Variants in MEMO1 observed in about 807,000 individuals in gnomAD.
MEMO1 encodes the protein mediator of cell motility 1.
MEMO1 carries 6 observed loss-of-function variants against 45.2 expected under a neutral mutation model. That is an observed-to-expected ratio of 0.13 (90% CI 0.07 to 0.26). MEMO1 has a LOEUF of 0.26. MEMO1 is among the 10% of genes least tolerant of loss of function. The pLI is 1.00. For synonymous variants in MEMO1, 78 were observed against 124.3 expected (o/e 0.63, Z 2.48); for missense variants, 184 against 370.5 (o/e 0.50, Z 4.13).
At chr2:31,917,889 A>G (rs1437764805) in intron 6 of MEMO1, 37 bp downstream of exon 6, 2 of 1,378,632 alleles carry the variant, frequency 1.5e-6, no homozygotes, top group South Asian at 1.3e-5. Context: ...ATTAATGTCT[A>G]TGATTTCCTG....
intron 6 of MEMO1, among the ~76,000 whole-genome samples, chr2:31,903,316 C>A (rs1427805292): frequency 1.4e-5 from 2 of 148,138 alleles, no homozygotes; most frequent in African/African-American, 2.5e-5. Context: ...TCAGAAGGGA[C>A]AGGATCCTTA....
At chr2:31,995,014 G>C (rs1213715517) in intron 2 of MEMO1, among the ~76,000 whole-genome samples, 1 of 148,548 alleles carries the variant, frequency 6.7e-6, no homozygotes, top group African/African-American at 2.5e-5. Flanking sequence ...GGGAGGGAGG[G>C]AGGAAGGCAG....
At chr2:31,904,769 G>A (rs1679419556) in intron 6 of MEMO1, among the ~76,000 whole-genome samples, 1 of 152,188 alleles carries the variant, frequency 6.6e-6, no homozygotes. Flanking sequence ...TTTCAAACAG[G>A]TGTTAAAGGC....
chr2:31,879,546 A>G (rs1324580436), intron 8 of MEMO1, among the ~76,000 whole-genome samples: 2 of 152,192 alleles, frequency 1.3e-5, no homozygotes, highest in African/African-American at 2.4e-5. Context: ...GTACTGTCCA[A>G]TAAAAATATA....
In MEMO1 at chr2:31,915,346, G is replaced by A. The variant is rs190192703; in HGVS notation, c.437+2580C>T. Among the ~76,000 whole-genome samples, 44 of 152,146 alleles carry A rather than the reference G, an allele frequency of 2.9e-4. No homozygotes were observed. In the East Asian group the frequency reaches 6.8e-3, roughly 23 times the overall value. On this transcript the variant is annotated intron_variant, in intron 6 of 9. Coordinates refer to ENST00000404530, the MANE Select transcript of MEMO1 (RefSeq NM_001301833.4). ...ACTGTAGTAGACTATCAGCAAAGAC[G>A]GCTGTCAACAGTTTCTCTTATTCCT...
chr2:31,891,726 C>T (rs1038424181), intron 7 of MEMO1, among the ~76,000 whole-genome samples: 1 of 152,146 alleles, frequency 6.6e-6, no homozygotes, highest in African/African-American at 2.4e-5. Flanking sequence ...TTAACTCCCA[C>T]TAAATAAGTG....
intron 2 of MEMO1, among the ~76,000 whole-genome samples, chr2:32,001,369 C>G (rs771337447): frequency 3.4e-4 from 51 of 151,948 alleles, no homozygotes; most frequent in Admixed American, 1.1e-3. Flanking sequence ...ACGTCCAATT[C>G]AAATGTTAGG....
In MEMO1 at chr2:31,920,921, C is replaced by T. The variant is rs955487607; in HGVS notation, c.213-11G>A. ...ATGAAAATTCTCCGGCTAGGAGATA[C>T]ACAACAAAAAAACACGTAACAATTG... On this transcript the variant is annotated splice_polypyrimidine_tract_variant and intron_variant, in intron 4 of 9. Coordinates refer to ENST00000404530, the MANE Select transcript of MEMO1 (RefSeq NM_001301833.4). 23 of 1,564,272 alleles carry T rather than the reference C, an allele frequency of 1.5e-5. No individual in the cohort carries two copies. Among genetic ancestry groups the T allele is most frequent in the East Asian group, 2.2e-5 (1 of 44,490 alleles).
At chr2:31,994,925 C>A (rs111378185) in intron 2 of MEMO1, among the ~76,000 whole-genome samples, 3 of 100,784 alleles carry the variant, frequency 3.0e-5, no homozygotes, top group Non-Finnish European at 5.7e-5. Flanking sequence ...TCGTGCCTTG[C>A]GGTGGGGGTG....
chr2:31,994,864 A>G (rs895814843), intron 2 of MEMO1, among the ~76,000 whole-genome samples: 2 of 151,184 alleles, frequency 1.3e-5, no homozygotes, highest in Non-Finnish European at 3.0e-5. Flanking sequence ...AGGAGGATCA[A>G]TTGAGCCCTG....
At chr2:31,978,115 G>A (rs566085970) in intron 2 of MEMO1, among the ~76,000 whole-genome samples, 5 of 152,204 alleles carry the variant, frequency 3.3e-5, no homozygotes, top group East Asian at 3.9e-4. Context: ...AGCCAGGCAC[G>A]GTGGCTCACA....
At chr2:31,872,036 C>CACACACACAT (rs1481064581) in intron 8 of MEMO1, among the ~76,000 whole-genome samples, 2 of 151,588 alleles carry the variant, frequency 1.3e-5, no homozygotes, top group African/African-American at 2.4e-5. Context: ...CACACACACA[C>CACACACACAT]ACACACACAA....
chr2:31,914,906 A>G (rs974192150), intron 6 of MEMO1, among the ~76,000 whole-genome samples: 2 of 150,580 alleles, frequency 1.3e-5, no homozygotes, highest in Non-Finnish European at 3.0e-5. Flanking sequence ...ACAGTGAGTT[A>G]TAATTGTGCC....
At chr2:31,994,081 C>T (rs1277997745) in intron 2 of MEMO1, among the ~76,000 whole-genome samples, 2 of 149,584 alleles carry the variant, frequency 1.3e-5, no homozygotes, top group East Asian at 2.0e-4. Context: ...CTGCCTCAGC[C>T]CCCCGAGCAG....
intron 2 of MEMO1, among the ~76,000 whole-genome samples, chr2:31,954,881 G>A (rs1037275728): frequency 6.6e-6 from 1 of 151,284 alleles, no homozygotes; most frequent in African/African-American, 2.4e-5. Context: ...CCAGAGATGT[G>A]CCACTACAAT....
chr2:31,991,890 T>C (rs1455736626), intron 2 of MEMO1, among the ~76,000 whole-genome samples: 1 of 152,166 alleles, frequency 6.6e-6, no homozygotes, highest in Non-Finnish European at 1.5e-5. Context: ...AAACAAAATA[T>C]TATTAAGTAA....
chr2:31,932,228 T>C (rs1184892644), intron 3 of MEMO1, 93 bp from the exon 4 acceptor site: 2 of 992,074 alleles, frequency 2.0e-6, no homozygotes, highest in East Asian at 2.5e-5. Flanking sequence ...GTACCTATGG[T>C]AAACACAACA....
At chr2:31,955,833 C>T (rs1240762524) in intron 2 of MEMO1, among the ~76,000 whole-genome samples, 2 of 152,166 alleles carry the variant, frequency 1.3e-5, no homozygotes, top group Non-Finnish European at 2.9e-5. Context: ...GTCTCAAACT[C>T]CTGACCTCAG....
chr2:31,992,752 C>T (rs757069967), intron 2 of MEMO1, among the ~76,000 whole-genome samples: 3 of 151,806 alleles, frequency 2.0e-5, no homozygotes, highest in Non-Finnish European at 4.4e-5. Flanking sequence ...CCACTGCACT[C>T]CAGCCTGGGT....
Sources: allele counts gnomAD v4.1 joint callset (sites outside exome capture counted in the v4.1 genomes callset), GRCh38; gene constraint gnomAD v4.1.1; transcripts MANE v1.5; gene names NCBI Gene and HGNC (gene_info 2026-07-23, HGNC 2026-07-21).